The following TSHZ2 variants were observed in gnomAD, a reference collection of about 807,000 sequenced individuals.
The protein encoded by TSHZ2 is teashirt zinc finger homeobox 2.
In TSHZ2, 21 loss-of-function variants were observed where a neutral mutation model predicts 74.4. The ratio of observed to expected loss-of-function variants is 0.28; its 90% confidence interval spans 0.20 to 0.41. The LOEUF (loss-of-function observed/expected upper bound fraction) is 0.41, where lower values mean the gene tolerates loss of function less well. TSHZ2 is among the 10% of genes least tolerant of loss of function. The probability of loss-of-function intolerance (pLI) is 1.00; values close to 1 mark genes in which losing one functional copy is unlikely to be tolerated. For synonymous variants in TSHZ2, 540 were observed against 515.3 expected, an observed-to-expected ratio of 1.05 and a Z score of -0.65; for missense variants, 1,244 against 1,293.5, an observed-to-expected ratio of 0.96 and a Z score of 0.59.
chr20:53,434,785 T>C (rs1983982838), intron 2 of TSHZ2, among the ~76,000 whole-genome samples: 1 of 152,248 alleles, frequency 6.6e-6, no homozygotes, highest in Non-Finnish European at 1.5e-5. Flanking sequence ...GACAGTCCTG[T>C]GACCATCTGC....
At chr20:53,058,575 G>T (rs941785142) in intron 1 of TSHZ2, among the ~76,000 whole-genome samples, 1 of 152,170 alleles carries the variant, frequency 6.6e-6, no homozygotes, top group African/African-American at 2.4e-5. Flanking sequence ...AGCTGACCCC[G>T]TTAGTTGTTC....
intron 2 of TSHZ2, among the ~76,000 whole-genome samples, chr20:53,374,322 C>T (rs1042056138): frequency 6.6e-6 from 1 of 152,024 alleles, no homozygotes; most frequent in Non-Finnish European, 1.5e-5. Context: ...GACATGATCT[C>T]ATTCTTTTGT....
chr20:53,038,216 A>G (rs1437183978), intron 1 of TSHZ2, among the ~76,000 whole-genome samples: 1 of 147,718 alleles, frequency 6.8e-6, no homozygotes, highest in Non-Finnish European at 1.5e-5. Flanking sequence ...AAAAAAAAAA[A>G]AAAAAAAAAA....
At chr20:52,988,952 A>G (rs1229136723) in intron 1 of TSHZ2, among the ~76,000 whole-genome samples, 4 of 152,096 alleles carry the variant, frequency 2.6e-5, no homozygotes, top group Admixed American at 6.5e-5. Flanking sequence ...CCTCTTATTT[A>G]TTTTAGCAAA....
At chr20:53,289,920 T>C (rs4809927) in intron 2 of TSHZ2, among the ~76,000 whole-genome samples, 18,419 of 152,248 alleles carry the variant, frequency 0.12, 1,330 homozygotes, top group Middle Eastern at 0.26. Flanking sequence ...CTAAACATTT[T>C]CTACATTGCT....
intron 2 of TSHZ2, among the ~76,000 whole-genome samples, chr20:53,275,221 A>G (rs1205273027): frequency 6.6e-6 from 1 of 152,120 alleles, no homozygotes; most frequent in Non-Finnish European, 1.5e-5. Context: ...TTAATAACTC[A>G]TCTCATTCCT....
At chr20:53,239,950 C>T (rs1990027150) in intron 1 of TSHZ2, among the ~76,000 whole-genome samples, 1 of 152,064 alleles carries the variant, frequency 6.6e-6, no homozygotes. Flanking sequence ...TTATGAAGCT[C>T]TCAGTTGCAA....
chr20:53,353,649 A>G (rs1039138201), intron 2 of TSHZ2, among the ~76,000 whole-genome samples: 5 of 152,236 alleles, frequency 3.3e-5, no homozygotes, highest in African/African-American at 7.2e-5. Flanking sequence ...TTTGTAACCA[A>G]ACTTTTACAC....
chr20:53,386,345 T>C lies in TSHZ2; in HGVS notation c.*9-100799T>C, dbSNP rs147938589. Among the ~76,000 whole-genome samples, 14 of 152,334 alleles carry C rather than the reference T, an allele frequency of 9.2e-5. No individual in the cohort carries two copies. The East Asian group carries it at 2.7e-3, about 29-fold the overall frequency. ...TTCTACTCAGCGGAATGACTGCTAG[T>C]CATTAAGGAAATCTGTGAGGAGCTC... On this transcript the variant is annotated intron_variant, in intron 2 of 2. Coordinates refer to ENST00000371497, the MANE Select transcript of TSHZ2 (RefSeq NM_173485.6).
intron 1 of TSHZ2, among the ~76,000 whole-genome samples, chr20:53,128,489 ATGAT>A (rs1600703695): frequency 6.6e-6 from 1 of 152,326 alleles, no homozygotes; most frequent in South Asian, 2.1e-4. Flanking sequence ...CATTGGTAGT[ATGAT>A]GATAGATAAT....
At chr20:53,208,201 T>C (rs1017063887) in intron 1 of TSHZ2, among the ~76,000 whole-genome samples, 2 of 152,134 alleles carry the variant, frequency 1.3e-5, no homozygotes, top group African/African-American at 4.8e-5. Context: ...AAGTAATAAA[T>C]AAATAAATGC....
chr20:52,989,209 T>TG (rs386419777), intron 1 of TSHZ2, among the ~76,000 whole-genome samples: 1 of 146,792 alleles, frequency 6.8e-6, no homozygotes, highest in Non-Finnish European at 1.5e-5. Context: ...TTATTGGTGA[T>TG]GTTTTTTTTT....
At chr20:53,186,089 C>T (rs980189193) in intron 1 of TSHZ2, among the ~76,000 whole-genome samples, 6 of 152,228 alleles carry the variant, frequency 3.9e-5, no homozygotes, top group Admixed American at 1.3e-4. Flanking sequence ...CTCCCTATCA[C>T]ACGCTCTTAT....
At chr20:53,100,850 T>C (rs899179148) in intron 1 of TSHZ2, among the ~76,000 whole-genome samples, 2 of 152,198 alleles carry the variant, frequency 1.3e-5, no homozygotes, top group Admixed American at 6.5e-5. Context: ...AGCCACCAAC[T>C]AATTGCTTTA....
chr20:53,256,212 C>A lies in TSHZ2; in HGVS notation c.2754C>A (p.Asn918Lys). The A allele has an allele frequency of 6.2e-7, 1 of 1,613,324 alleles. No homozygotes were observed. Among genetic ancestry groups the A allele is most frequent in the Non-Finnish European group, 8.5e-7 (1 of 1,179,444 alleles). The part of the protein sequence containing the change: ...RKTGGTKFLK[N>K]MDKGHPIFYC... ...CGGGCGGGACAAAATTTCTGAAAAA[C>A]ATGGACAAAGGCCACCCCATCTTTT... Residue 918 changes from asparagine to lysine, a missense_variant, in exon 2 of 3, where the codon AAC becomes AAA. Physicochemically the swap from Asn to Lys is moderately conservative, Grantham distance 94 (BLOSUM62 0). Around this residue, in one of 6 missense-constraint regions of TSHZ2, gnomAD observed 185 missense variants for 213.3 expected, o/e 0.87. Transcript: ENST00000371497. The surrounding 1 kb of genome is among the most constrained non-coding windows in gnomAD (Gnocchi z 4.3).
chr20:53,019,214 CTG>C (rs1983146342), intron 1 of TSHZ2, among the ~76,000 whole-genome samples: 2 of 151,316 alleles, frequency 1.3e-5, no homozygotes, highest in Non-Finnish European at 2.9e-5. Context: ...TCCTCCCAGA[CTG>C]TGTTTCAAAT....
At chr20:53,212,221 ACTTTGC>A (rs1989327051) in intron 1 of TSHZ2, among the ~76,000 whole-genome samples, 1 of 152,208 alleles carries the variant, frequency 6.6e-6, no homozygotes, top group South Asian at 2.1e-4. Flanking sequence ...AAGAACAATG[ACTTTGC>A]AATAATTTAA....
intron 1 of TSHZ2, among the ~76,000 whole-genome samples, chr20:53,212,884 A>T (rs901177965): frequency 1.3e-5 from 2 of 152,034 alleles, no homozygotes; most frequent in African/African-American, 2.4e-5. Context: ...GGCCAGGGGG[A>T]TGACGTGCTC....
intron 1 of TSHZ2, among the ~76,000 whole-genome samples, chr20:53,174,772 C>T (rs1988287179): frequency 1.3e-5 from 2 of 152,144 alleles, no homozygotes; most frequent in Non-Finnish European, 2.9e-5. Flanking sequence ...CACGGAGGGG[C>T]AGTCCCAGTG....
Sources: gnomAD v4.1 joint callset for allele counts (sites outside exome capture counted in the v4.1 genomes callset) on GRCh38, gnomAD v4.1.1 for gene constraint, gnomAD v4.1.1 regional missense constraint, Gnocchi (gnomAD v3.1) non-coding constraint, MANE v1.5 for transcripts, NCBI Gene and HGNC (gene_info 2026-07-23, HGNC 2026-07-21) for gene names.